The following NMT1 variants were observed in gnomAD, a reference collection of about 807,000 sequenced individuals.
NMT1 encodes the protein glycylpeptide N-tetradecanoyltransferase 1.
Under a neutral mutation model 63.4 loss-of-function variants are expected in NMT1, and 12 were observed. The ratio of observed to expected loss-of-function variants is 0.19; its 90% CI spans 0.12 to 0.31. The LOEUF is 0.31. NMT1 is among the 10% of genes least tolerant of loss of function. NMT1 has a pLI of 1.00. For missense variants in NMT1, 432 were observed against 634.6 expected, an observed-to-expected ratio of 0.68 and a Z score of 3.43; for synonymous variants, 228 against 234.3, an observed-to-expected ratio of 0.97 and a Z score of 0.25.
At chr17:45,091,186 TGACA>T (rs1161239497) in intron 3 of NMT1, among the ~76,000 whole-genome samples, 1 of 71,812 alleles carries the variant, frequency 1.4e-5, no homozygotes, top group African/African-American at 4.6e-5. Flanking sequence ...AGGTCTTTCC[TGACA>T]CACACACACA....
Position 45,086,528 on chromosome 17 carries a change from G to C in NMT1, c.261G>C (p.Glu87Asp), listed in dbSNP as rs1051019368. ...QPVKMNSLPA[E>D]RIQEIQKAIE... ...TCCAGATGAACTCTTTGCCAGCAGA[G>C]AGGATCCAGGAAATACAGAAGGCCA... The change falls in exon 3 of 12, where the codon GAG becomes GAC. Residue 87 changes from glutamate (E) to aspartate (D), a missense_variant. By Grantham distance (45) the Glu-to-Asp change is conservative. Coordinates refer to ENST00000258960, the MANE Select transcript of NMT1 (RefSeq NM_021079.5). 5.0e-6 allele frequency: 8 copies of C among 1,611,294 alleles called. No homozygotes were observed. The highest frequency in any genetic ancestry group is 5.9e-6 in the Non-Finnish European group (7 of 1,179,144).
chr17:45,077,803 A>G (rs2143472953), intron 1 of NMT1, among the ~76,000 whole-genome samples: 1 of 152,342 alleles, frequency 6.6e-6, no homozygotes, highest in South Asian at 2.1e-4. Context: ...TCCTGTGTGC[A>G]ATAACAAAAT....
At chr17:45,100,774 A>T (rs1460458252) in intron 8 of NMT1, among the ~76,000 whole-genome samples, 2 of 140,380 alleles carry the variant, frequency 1.4e-5, no homozygotes, top group Non-Finnish European at 3.0e-5. Flanking sequence ...GAGGCAGGAG[A>T]ATGGCATGAA....
chr17:45,069,534 G>T (rs1212753238), intron 1 of NMT1, among the ~76,000 whole-genome samples: 1 of 149,336 alleles, frequency 6.7e-6, no homozygotes, highest in Non-Finnish European at 1.5e-5. Context: ...CTCGTGATCT[G>T]CCCACCTCAG....
chr17:45,094,627 G>T (rs1488521291), intron 4 of NMT1, among the ~76,000 whole-genome samples: 1 of 149,038 alleles, frequency 6.7e-6, no homozygotes, highest in Non-Finnish European at 1.5e-5. Flanking sequence ...CGATTCTCCT[G>T]CCTCAGCCTC....
At chr17:45,096,130 G>C (rs2054123495) in intron 4 of NMT1, 64 bp from the exon 5 acceptor site, 4 of 1,193,612 alleles carry the variant, frequency 3.4e-6, no homozygotes, top group Admixed American at 1.7e-5. Flanking sequence ...TAGAGCCCCA[G>C]GGTATTGGAG....
intron 1 of NMT1, among the ~76,000 whole-genome samples, chr17:45,062,838 C>T (rs1408096369): frequency 2.0e-5 from 3 of 152,134 alleles, no homozygotes; most frequent in Admixed American, 6.5e-5. Flanking sequence ...TGAAGCATGA[C>T]TGTATTTAAG....
Position 45,061,359 on chromosome 17 carries a change from G to T in NMT1, c.30G>T (p.Lys10Asn). 6.2e-7 allele frequency: 1 copy of T among 1,613,958 alleles called. No homozygotes were observed. Among genetic ancestry groups the T allele is most frequent in the Non-Finnish European group, 8.5e-7 (1 of 1,179,970 alleles). Residue 10 changes from lysine to asparagine, a missense_variant, in exon 1 of 12, where the codon AAG (lysine) becomes AAT (asparagine). By Grantham distance (94) the Lys-to-Asn change is moderately conservative. Transcript: ENST00000258960. Reference protein sequence around the residue: MADESETAVKPPAPPLPQMM... With the variant: MADESETAVNPPAPPLPQMM... ...CGGACGAGAGTGAGACAGCAGTGAAGCCGCCGGCACCTCCGCTGCCGCAGA... is the reference window on the plus strand; with the variant it reads ...CGGACGAGAGTGAGACAGCAGTGAATCCGCCGGCACCTCCGCTGCCGCAGA...
At position 45,102,841 on chromosome 17, in the gene NMT1, G is replaced by A. The variant is rs970123683; in HGVS notation, c.994-110G>A. On this transcript the variant is annotated intron_variant, in intron 8 of 11. Coordinates refer to ENST00000258960, the MANE Select transcript of NMT1 (RefSeq NM_021079.5). Reference sequence around the variant, plus strand: ...GAGGAGATATGCACGGGGGTGCAGGGAGCCGCCGAATGACCAGGGATTCTC... The same window carrying A: ...GAGGAGATATGCACGGGGGTGCAGGAAGCCGCCGAATGACCAGGGATTCTC... The A allele has an allele frequency of 3.9e-5, 39 of 1,002,446 alleles. No homozygotes were observed. In the Middle Eastern group the frequency reaches 9.4e-4, roughly 24 times the overall value. The allele number at this position is 1,002,446 out of a possible 1,614,324, so 62.1% of individuals were successfully genotyped here. A position where few individuals can be genotyped will look rare whatever the true frequency, so the allele number is the denominator to read the frequency against.
rs2054194628 is a variant in NMT1, at chr17:45,105,180, G to A, written c.1470+184G>A. Reference sequence around the variant, plus strand: ...GGTCAGCGTTCCCCTCTCAGCAACTGGTGTGAGGATGGCAGAGGGGACAGA... The same window carrying A: ...GGTCAGCGTTCCCCTCTCAGCAACTAGTGTGAGGATGGCAGAGGGGACAGA... On this transcript the variant is annotated intron_variant, in intron 11 of 11. Transcript: ENST00000258960. This position sits in a 1 kb window ranked among gnomAD's most constrained non-coding sequence, Gnocchi z 4.2. Among the ~76,000 whole-genome samples, 2 of 152,162 alleles carry A rather than the reference G, an allele frequency of 1.3e-5. No homozygotes were observed. Among genetic ancestry groups the A allele is most frequent in the South Asian group, 4.1e-4 (2 of 4,830 alleles).
At chr17:45,094,213 C>A (rs948822209) in intron 4 of NMT1, among the ~76,000 whole-genome samples, 1 of 151,768 alleles carries the variant, frequency 6.6e-6, no homozygotes, top group Non-Finnish European at 1.5e-5. Flanking sequence ...ATGAAAATGT[C>A]GCCGGGCGTG....
chr17:45,078,151 T>G (rs767049210), intron 1 of NMT1, among the ~76,000 whole-genome samples: 9 of 151,950 alleles, frequency 5.9e-5, no homozygotes, highest in Non-Finnish European at 1.3e-4. Flanking sequence ...GTGGACAGCG[T>G]AAGTGGGAAA....
intron 1 of NMT1, among the ~76,000 whole-genome samples, chr17:45,077,414 G>C (rs2053985256): frequency 6.6e-6 from 1 of 152,116 alleles, no homozygotes; most frequent in South Asian, 2.1e-4. Context: ...TTTTGAGATG[G>C]AGTTTTGATC....
intron 4 of NMT1, among the ~76,000 whole-genome samples, chr17:45,095,403 G>C (rs1411456818): frequency 6.6e-6 from 1 of 152,026 alleles, no homozygotes; most frequent in East Asian, 1.9e-4. Flanking sequence ...CCACCACACC[G>C]GGCCAACAGA....
Position 45,102,843 on chromosome 17 carries a change from GC to G in NMT1, c.994-106del, listed in dbSNP as rs985180951. On this transcript the variant is annotated intron_variant, in intron 8 of 11. Transcript: ENST00000258960. ...GGAGATATGCACGGGGGTGCAGGGA[GC>G]CGCCGAATGACCAGGGATTCTCTCT... 3.2e-5 allele frequency: 33 copies of G among 1,028,244 alleles called. No homozygotes were observed. The African/African-American group carries it at 4.6e-4, about 14-fold the overall frequency. The allele number at this position is 1,028,244 out of a possible 1,614,324, so 63.7% of individuals were successfully genotyped here.
Position 45,103,750 on chromosome 17 carries a change from G to T in NMT1, c.1206G>T (p.Thr402=), listed in dbSNP as rs746713731. The change falls in exon 10 of 12, where the codon ACG becomes ACT. Residue 402 remains threonine (T), a synonymous_variant. Transcript: ENST00000258960. This position sits in a 1 kb window ranked among gnomAD's most constrained non-coding sequence, Gnocchi z 4.8. The part of the protein sequence containing the change: ...GEVTDFLSFY[T]LPSTIMNHPT... ...TGACAGATTTCCTGAGCTTTTATAC[G>T]CTGCCCTCCACCATCATGAACCATC... 1.2e-6 allele frequency: 2 copies of T among 1,613,818 alleles called. No individual in the cohort carries two copies. Among genetic ancestry groups the T allele is most frequent in the South Asian group, 1.1e-5 (1 of 91,016 alleles).
intron 1 of NMT1, among the ~76,000 whole-genome samples, chr17:45,062,404 G>C (rs986943390): frequency 6.6e-6 from 1 of 152,222 alleles, no homozygotes; most frequent in Non-Finnish European, 1.5e-5. Flanking sequence ...TAAACTGAAA[G>C]TCGTGAGAGA....
At chr17:45,085,319 G>A (rs922597901) in intron 2 of NMT1, among the ~76,000 whole-genome samples, 1 of 152,166 alleles carries the variant, frequency 6.6e-6, no homozygotes, top group African/African-American at 2.4e-5. Context: ...AAATGCCCAT[G>A]AGTAGGGGGC....
chr17:45,086,684 A>G, intron 3 of NMT1, 32 bp downstream of exon 3: 1 of 1,582,028 alleles, frequency 6.3e-7, no homozygotes, highest in Non-Finnish European at 8.6e-7. Context: ...TTGCCAGGTC[A>G]GGGGCGAGGG....
Sources: allele counts gnomAD v4.1 joint callset (sites outside exome capture counted in the v4.1 genomes callset), GRCh38; gene constraint gnomAD v4.1.1; non-coding constraint Gnocchi (gnomAD v3.1); transcripts MANE v1.5; gene names NCBI Gene and HGNC (gene_info 2026-07-23, HGNC 2026-07-21).